The following FAM171A1 variants were observed in gnomAD, a reference collection of about 807,000 sequenced individuals.
The protein encoded by FAM171A1 is family with sequence similarity 171 member A1.
Under a neutral mutation model 74.9 loss-of-function variants are expected in FAM171A1, and 23 were observed. That is an observed-to-expected ratio of 0.31 (90% CI 0.22 to 0.44). The LOEUF is 0.44. Ranked by LOEUF, FAM171A1 falls within the 20% of genes least tolerant of loss-of-function variation. FAM171A1 has a pLI of 1.00. For synonymous variants in FAM171A1, 527 were observed against 505.7 expected, an observed-to-expected ratio of 1.04 and a Z score of -0.57; for missense variants, 1,162 against 1,159.2, an observed-to-expected ratio of 1.00 and a Z score of -0.03.
In FAM171A1 at chr10:15,268,391, A is replaced by C. The variant is rs145313683; in HGVS notation, c.418+7464T>G. ...GTGAGGTGGCAATGCAGATGGAGAC[A>C]CCAACCTCATCAAAAGAATGAGATT... On this transcript the variant is annotated intron_variant, in intron 3 of 7. Coordinates refer to ENST00000378116, the MANE Select transcript of FAM171A1 (RefSeq NM_001010924.2). Among the ~76,000 whole-genome samples, 835 of 152,262 alleles carry C rather than the reference A, an allele frequency of 5.5e-3. 1 individual carries two copies. Among genetic ancestry groups the C allele is most frequent in the Non-Finnish European group, 8.7e-3 (590 of 68,020 alleles).
rs1186881134 is a variant in FAM171A1 at position 15,305,338 on chromosome 10, T to C, written c.98-21233A>G. Among the ~76,000 whole-genome samples, 5 of 152,168 alleles carry C rather than the reference T, an allele frequency of 3.3e-5. No individual in the cohort carries two copies. In the South Asian group the frequency reaches 8.3e-4, roughly 25 times the overall value. On this transcript the variant is annotated intron_variant, in intron 1 of 7. Transcript: ENST00000378116. ...ATAAAAGACTCAGTATCAGACCTGA[T>C]GAACCTCTCACGTCACCTTCCCGAC... is the stretch of plus-strand genomic sequence containing the variant.
intron 1 of FAM171A1, among the ~76,000 whole-genome samples, chr10:15,346,261 A>G (rs953182984): frequency 8.6e-5 from 13 of 151,946 alleles, no homozygotes; most frequent in Admixed American, 2.6e-4. Flanking sequence ...ATGCCTGGTT[A>G]ATTTATTTTT....
At chr10:15,285,545 T>C (rs1448437085) in intron 1 of FAM171A1, among the ~76,000 whole-genome samples, 1 of 152,140 alleles carries the variant, frequency 6.6e-6, no homozygotes, top group Admixed American at 6.6e-5. Context: ...AGCAGAACTA[T>C]CACGTCAAGG....
intron 1 of FAM171A1, among the ~76,000 whole-genome samples, chr10:15,337,865 C>T (rs1402797816): frequency 6.6e-6 from 1 of 152,084 alleles, no homozygotes; most frequent in Non-Finnish European, 1.5e-5. Flanking sequence ...GCAGGAGAAT[C>T]ACTTGAACCT....
chr10:15,369,213 A>AATATATATATATATATATATTGAATAT (rs1554758716), intron 1 of FAM171A1, among the ~76,000 whole-genome samples: 4 of 145,762 alleles, frequency 2.7e-5, no homozygotes, highest in Admixed American at 6.9e-5. Flanking sequence ...ATATATATTG[A>AATATATATATATATATATATTGAATAT]ATATATATAT....
At chr10:15,312,057 C>T (rs1835365492) in intron 1 of FAM171A1, among the ~76,000 whole-genome samples, 2 of 152,220 alleles carry the variant, frequency 1.3e-5, no homozygotes, top group South Asian at 4.1e-4. Flanking sequence ...GGGCACACAG[C>T]TGCCACCCAG....
chr10:15,322,395 C>T (rs1027617937), intron 1 of FAM171A1, among the ~76,000 whole-genome samples: 1 of 152,174 alleles, frequency 6.6e-6, no homozygotes, highest in Non-Finnish European at 1.5e-5. Context: ...TATTTTCCAT[C>T]CTGCTCCATC....
intron 3 of FAM171A1, among the ~76,000 whole-genome samples, chr10:15,259,146 T>A (rs891277829): frequency 6.6e-6 from 1 of 152,198 alleles, no homozygotes. Context: ...CATCCTCAAG[T>A]GCCATCATTC....
chr10:15,285,989 G>A (rs1277969372), intron 1 of FAM171A1, among the ~76,000 whole-genome samples: 1 of 152,222 alleles, frequency 6.6e-6, no homozygotes, highest in Admixed American at 6.5e-5. Context: ...TAGCCATGTA[G>A]CCTTGGGCAG....
intron 1 of FAM171A1, among the ~76,000 whole-genome samples, chr10:15,351,401 A>C (rs1395683301): frequency 6.6e-6 from 1 of 152,216 alleles, no homozygotes; most frequent in Admixed American, 6.5e-5. Flanking sequence ...AATGACTTTG[A>C]GCACCTTTTC....
intron 4 of FAM171A1, 27 bp downstream of exon 4, chr10:15,254,694 A>C (rs1834553610): frequency 6.2e-7 from 1 of 1,608,226 alleles, no homozygotes; most frequent in African/African-American, 1.3e-5. Flanking sequence ...AGTAACTCCC[A>C]CTGAAAAGAG....
chr10:15,264,465 T>C (rs1393528776), intron 3 of FAM171A1, among the ~76,000 whole-genome samples: 1 of 152,162 alleles, frequency 6.6e-6, no homozygotes, highest in Non-Finnish European at 1.5e-5. Context: ...GAGAACATAA[T>C]TTTAATATGT....
intron 1 of FAM171A1, among the ~76,000 whole-genome samples, chr10:15,358,928 A>G (rs909890610): frequency 2.0e-5 from 3 of 152,248 alleles, no homozygotes; most frequent in African/African-American, 4.8e-5. Flanking sequence ...TGTCTCCTAC[A>G]TAACAGTAGA....
chr10:15,258,219 CCTGG>C (rs1834608421), intron 3 of FAM171A1, among the ~76,000 whole-genome samples: 1 of 151,938 alleles, frequency 6.6e-6, no homozygotes, highest in Admixed American at 6.6e-5. Flanking sequence ...CACCACCACA[CCTGG>C]CTAATTTTTG....
In FAM171A1 at chr10:15,312,673, G is replaced by GTTTTTTTTTTT. The variant is rs1169098742; in HGVS notation, c.98-28579_98-28569dup. Among the ~76,000 whole-genome samples the GTTTTTTTTTTT allele has an allele frequency of 6.6e-4, 24 of 36,402 alleles. 3 individuals carry two copies. Among genetic ancestry groups the GTTTTTTTTTTT allele is most frequent in the East Asian group, 2.1e-3 (2 of 946 alleles). The allele number at this position is 36,402 out of a possible 152,430, so 23.9% of individuals were successfully genotyped here. A position where few individuals can be genotyped will look rare whatever the true frequency, so the allele number is the denominator to read the frequency against. On this transcript the variant is annotated intron_variant, in intron 1 of 7. Transcript: ENST00000378116. ...TACTGGAATGAGTTCAGCACTGTGT[G>GTTTTTTTTTTT]TTTTTTTTTTTTTTTTTTTTTTTTT...
intron 1 of FAM171A1, among the ~76,000 whole-genome samples, chr10:15,295,776 A>T (rs1835154230): frequency 1.3e-5 from 2 of 152,204 alleles, no homozygotes; most frequent in South Asian, 4.1e-4. Flanking sequence ...TCTCACCCCA[A>T]GTAGCCCAGC....
chr10:15,260,535 CA>C (rs1463040536), intron 3 of FAM171A1, among the ~76,000 whole-genome samples: 2 of 152,284 alleles, frequency 1.3e-5, no homozygotes, highest in East Asian at 3.9e-4. Flanking sequence ...CCTGGATAAG[CA>C]CTGCTTTCCC....
At chr10:15,241,859 C>T (rs1286788774) in intron 5 of FAM171A1, 1 of 152,122 alleles carries the variant, frequency 6.6e-6, no homozygotes, top group East Asian at 1.9e-4. Context: ...TCCTGAAGAA[C>T]TAAAACTTTG....
intron 1 of FAM171A1, among the ~76,000 whole-genome samples, chr10:15,355,544 CCTCT>C (rs1297917755): frequency 6.6e-6 from 1 of 151,942 alleles, no homozygotes; most frequent in South Asian, 2.1e-4. Context: ...TTGGTGAAAC[CCTCT>C]CTCTACTAAA....
Sources: gnomAD v4.1 joint callset for allele counts (sites outside exome capture counted in the v4.1 genomes callset) on GRCh38, gnomAD v4.1.1 for gene constraint, MANE v1.5 for transcripts, NCBI Gene and HGNC (gene_info 2026-07-23, HGNC 2026-07-21) for gene names.